DNAI3: variants seen among roughly 807,000 people sequenced by gnomAD.
DNAI3 encodes the protein WD repeat domain 63.
In DNAI3, 83 loss-of-function variants were observed where a neutral mutation model predicts 115.5. The observed-to-expected ratio is 0.72, with a 90% CI of 0.60 to 0.86. DNAI3 has a LOEUF of 0.86. DNAI3 is among the 40% of genes least tolerant of loss of function. DNAI3 has a pLI of 0.00. For missense variants in DNAI3, 1,004 were observed against 1,075.8 expected (o/e 0.93, Z 0.93); for synonymous variants, 320 against 347.0 (o/e 0.92, Z 0.86).
chr1:85,100,379 T>C (rs904052658), intron 13 of DNAI3, among the ~76,000 whole-genome samples: 39 of 152,166 alleles, frequency 2.6e-4, no homozygotes, highest in African/African-American at 9.4e-4. Context: ...AAAATGCTCA[T>C]CATCACGGGC....
At chr1:85,065,865 T>C (rs984656806) in intron 1 of DNAI3, among the ~76,000 whole-genome samples, 19 of 152,314 alleles carry the variant, frequency 1.2e-4, no homozygotes, top group South Asian at 2.1e-4. Context: ...TCCTGAATAA[T>C]AGAAGCATCA....
At chr1:85,110,750 T>C (rs944101888) in intron 16 of DNAI3, among the ~76,000 whole-genome samples, 13 of 152,128 alleles carry the variant, frequency 8.5e-5, no homozygotes, top group South Asian at 2.1e-4. Context: ...TTAATGAATG[T>C]TACATGCTCA....
intron 22 of DNAI3, among the ~76,000 whole-genome samples, chr1:85,131,814 C>T (rs1028442071): frequency 1.3e-5 from 2 of 152,054 alleles, no homozygotes; most frequent in Non-Finnish European, 2.9e-5. Context: ...TCAGTGGGAG[C>T]GAGTAGAATT....
intron 16 of DNAI3, among the ~76,000 whole-genome samples, chr1:85,112,213 A>G (rs1385349700): frequency 2.0e-5 from 3 of 152,160 alleles, no homozygotes; most frequent in Non-Finnish European, 4.4e-5. Context: ...CACCACATGC[A>G]GCAATCTGGC....
At chr1:85,118,530 T>G (rs548190293) in intron 17 of DNAI3, among the ~76,000 whole-genome samples, 1 of 152,140 alleles carries the variant, frequency 6.6e-6, no homozygotes, top group South Asian at 2.1e-4. Flanking sequence ...AAATACAGAG[T>G]ATTTTTCCCA....
Position 85,094,477 on chromosome 1 carries a change from A to T in DNAI3, c.1095A>T (p.Arg365Ser). Residue 365 changes from arginine (R) to serine (S), a missense_variant, in exon 10 of 23, where the codon AGA becomes AGT. Around this residue, in one of 3 missense-constraint regions of DNAI3, gnomAD observed 550 missense variants for 568.1 expected, o/e 0.97. Transcript: ENST00000294664. ...CCGTGCGACTTTCTTTTGAAGACAGAGTTCACTTTTCTGGTAAATTATTGC... is the reference window on the plus strand; with the variant it reads ...CCGTGCGACTTTCTTTTGAAGACAGTGTTCACTTTTCTGGTAAATTATTGC... Reference protein sequence around the residue: ...SVAVRLSFEDRVHFSGKLLLQ... With the variant: ...SVAVRLSFEDSVHFSGKLLLQ... 6.2e-7 allele frequency: 1 copy of T among 1,614,184 alleles called. No homozygotes were observed. Among genetic ancestry groups the T allele is most frequent in the Non-Finnish European group, 8.5e-7 (1 of 1,180,022 alleles).
At chr1:85,092,802 C>T (rs940419055) in intron 8 of DNAI3, among the ~76,000 whole-genome samples, 1 of 52,154 alleles carries the variant, frequency 1.9e-5, no homozygotes, top group African/African-American at 5.2e-5. Flanking sequence ...ACTACACACA[C>T]ACACACACAC....
intron 3 of DNAI3, 94 bp downstream of exon 3, chr1:85,073,186 C>T (rs949204664): frequency 6.6e-6 from 6 of 905,898 alleles, no homozygotes; most frequent in Non-Finnish European, 9.6e-6. Context: ...CTGAAGTGAT[C>T]AATCAAAATG....
At chr1:85,131,906 A>G (rs764520372) in intron 22 of DNAI3, among the ~76,000 whole-genome samples, 2 of 152,218 alleles carry the variant, frequency 1.3e-5, no homozygotes, top group Non-Finnish European at 2.9e-5. Flanking sequence ...AAATTGTATT[A>G]TACTTTTCAA....
chr1:85,108,560 G>A (rs1197054270), intron 15 of DNAI3, among the ~76,000 whole-genome samples: 3 of 152,116 alleles, frequency 2.0e-5, no homozygotes, highest in Non-Finnish European at 2.9e-5. Flanking sequence ...CATTCTAACT[G>A]TGCCAATAAC....
At chr1:85,105,480 A>T (rs1449804995) in intron 14 of DNAI3, among the ~76,000 whole-genome samples, 1 of 145,824 alleles carries the variant, frequency 6.9e-6, no homozygotes, top group Non-Finnish European at 1.5e-5. Context: ...GAGGTGCGAG[A>T]TTGCGCCATT....
At chr1:85,072,455 A>C (rs1293876725) in intron 2 of DNAI3, among the ~76,000 whole-genome samples, 1 of 149,012 alleles carries the variant, frequency 6.7e-6, no homozygotes, top group Non-Finnish European at 1.5e-5. Context: ...CAGCCTGACC[A>C]ACATGGTGAA....
Position 85,104,578 on chromosome 1 carries a change from G to A in DNAI3, c.1534G>A (p.Val512Ile). ...ENRSGICCQL[V>I]TCSADCTICF... Reference sequence around the variant, plus strand: ...TCGAAGTGGAATATGCTGTCAACTTGTCACATGTTCAGCAGATTGGTAAGT... The same window carrying A: ...TCGAAGTGGAATATGCTGTCAACTTATCACATGTTCAGCAGATTGGTAAGT... Residue 512 changes from valine (V) to isoleucine (I), a missense_variant, in exon 14 of 23, where the codon GTC (valine) becomes ATC (isoleucine). Around this residue, in one of 3 missense-constraint regions of DNAI3, gnomAD observed 25 missense variants for 53.4 expected, o/e 0.47. Coordinates refer to ENST00000294664, the MANE Select transcript of DNAI3 (RefSeq NM_145172.5). 2 of 1,613,856 alleles carry A rather than the reference G, an allele frequency of 1.2e-6. No individual in the cohort carries two copies. Among genetic ancestry groups the A allele is most frequent in the Non-Finnish European group, 1.7e-6 (2 of 1,179,808 alleles).
In DNAI3 at chr1:85,077,122, C is replaced by T. The variant is rs926822402; in HGVS notation, c.103+4030C>T. ...ATACTATAAAGACAGATAAGTAGAT[C>T]AATGCATGAGAATAGAGTCCAAAAA... On this transcript the variant is annotated intron_variant, in intron 3 of 22. Coordinates refer to ENST00000294664, the MANE Select transcript of DNAI3 (RefSeq NM_145172.5). 1.1e-4 allele frequency among the ~76,000 whole-genome samples: 16 copies of T among 152,246 alleles called. 1 individual carries two copies. The highest frequency in any genetic ancestry group is 1.0e-3 in the South Asian group (5 of 4,816).
chr1:85,122,203 T>C (rs1656011717), intron 18 of DNAI3, among the ~76,000 whole-genome samples: 1 of 152,196 alleles, frequency 6.6e-6, no homozygotes, highest in Non-Finnish European at 1.5e-5. Context: ...TTCATCTATG[T>C]GGAAAATCTG....
chr1:85,108,083 C>A lies in DNAI3; in HGVS notation c.1604C>A (p.Thr535Lys). 6.2e-7 allele frequency: 1 copy of A among 1,609,678 alleles called. No homozygotes were observed. Among genetic ancestry groups the A allele is most frequent in the Non-Finnish European group, 8.5e-7 (1 of 1,178,198 alleles). The change falls in exon 15 of 23, where the codon ACA (threonine) becomes AAA (lysine). Residue 535 changes from threonine to lysine, a missense_variant. By Grantham distance (78) the Thr-to-Lys change is moderately conservative (BLOSUM62 -1). Around this residue, in one of 3 missense-constraint regions of DNAI3, gnomAD observed 429 missense variants for 454.3 expected, o/e 0.94. Coordinates refer to ENST00000294664, the MANE Select transcript of DNAI3 (RefSeq NM_145172.5). The stretch of plus-strand genomic sequence containing the variant: ...CCACAGAAACCTTTAACCCCCCAAA[C>A]AACAGAGAAAAAGAAGGAGGAAAGT... ...IRPQKPLTPQ[T>K]TEKKKEESIE...
At chr1:85,128,176 A>G (rs1297888456) in intron 20 of DNAI3, among the ~76,000 whole-genome samples, 12 of 151,352 alleles carry the variant, frequency 7.9e-5, no homozygotes, top group Non-Finnish European at 2.9e-5. Context: ...GAAGAAAAAG[A>G]TTAAAAATCT....
At position 85,113,430 on chromosome 1, in the gene DNAI3, G is replaced by A. The variant is rs76410245; in HGVS notation, c.1786+3295G>A. 1.2e-4 allele frequency among the ~76,000 whole-genome samples: 18 copies of A among 152,152 alleles called. No homozygotes were observed. In the East Asian group the frequency reaches 3.5e-3, roughly 29 times the overall value. On this transcript the variant is annotated intron_variant, in intron 16 of 22. Transcript: ENST00000294664. ...TATGGATCAAAGTTCATTTTTTTGT[G>A]TATGGTATTCCCACACCATTTGTTG...
chr1:85,083,698 A>C (rs996509290), intron 5 of DNAI3, among the ~76,000 whole-genome samples: 2 of 152,012 alleles, frequency 1.3e-5, no homozygotes, highest in African/African-American at 4.8e-5. Flanking sequence ...ATTAATTTTT[A>C]TTATATTTAC....
Sources: allele counts gnomAD v4.1 joint callset (sites outside exome capture counted in the v4.1 genomes callset), GRCh38; gene constraint gnomAD v4.1.1; regional missense constraint gnomAD v4.1.1; transcripts MANE v1.5; gene names NCBI Gene and HGNC (gene_info 2026-07-23, HGNC 2026-07-21).